The following GPHN variants were observed in gnomAD, a reference collection of about 807,000 sequenced individuals.
GPHN encodes gephyrin.
A neutral mutation model predicts 95.5 loss-of-function variants in GPHN; 17 were observed. That is an observed-to-expected ratio of 0.18 (90% CI 0.12 to 0.27). The LOEUF (loss-of-function observed/expected upper bound fraction) is 0.27. Among genes scored for constraint, GPHN ranks in the 10% least tolerant of loss-of-function variants. GPHN has a pLI of 1.00. For missense variants in GPHN, 660 were observed against 978.1 expected (o/e 0.67, Z 4.34); for synonymous variants, 320 against 322.5 (o/e 0.99, Z 0.08).
At chr14:67,340,531 AAAAAAT>A in the GPHN span, 3 of 1,605,622 alleles carry the variant, frequency 1.9e-6, no homozygotes, top group Non-Finnish European at 2.6e-6. Flanking sequence ...AGAATAAAAA[AAAAAAT>A]AATATGTGTG....
chr14:67,206,812 C>A, the GPHN span, among the ~76,000 whole-genome samples: 1 of 150,366 alleles, frequency 6.7e-6, no homozygotes, highest in African/African-American at 2.5e-5. Context: ...CTCACTGCAA[C>A]CTCCACCTCT....
At chr14:67,647,152 C>T in the GPHN span, 1 of 630,570 alleles carries the variant, frequency 1.6e-6, no homozygotes, top group South Asian at 2.3e-5. Flanking sequence ...TTAAATAGTT[C>T]AGAAAGGCAA....
At chr14:66,582,403 C>T (rs1566641737) in intron 1 of GPHN, among the ~76,000 whole-genome samples, 1 of 151,754 alleles carries the variant, frequency 6.6e-6, no homozygotes. Context: ...TTTTATTTTA[C>T]TTTAAGTTTT....
chr14:66,696,829 T>A (rs376428715), intron 2 of GPHN, among the ~76,000 whole-genome samples: 29 of 152,354 alleles, frequency 1.9e-4, no homozygotes, highest in African/African-American at 6.5e-4. Flanking sequence ...TTCCTAAAGA[T>A]GCTATGAATT....
In GPHN at chr14:66,686,162, G is replaced by C. The variant is rs528788172; in HGVS notation, c.143+4977G>C. On this transcript the variant is annotated intron_variant, in intron 2 of 22. Transcript: ENST00000478722. ...TTGGTTACTGTAGCCTTGTAGTATA[G>C]TTTGAAGTCAGGTAGCATGATGCCT... 2.7e-3 allele frequency among the ~76,000 whole-genome samples: 412 copies of C among 152,308 alleles called. 1 individual carries two copies. Among genetic ancestry groups the C allele is most frequent in the Middle Eastern group, 6.8e-3 (2 of 294 alleles).
Position 67,089,038 on chromosome 14 carries a change from C to G in GPHN, c.1200C>G (p.Pro400=). Residue 400 remains proline, a synonymous_variant, in exon 12 of 23, where the codon CCC becomes CCG. Coordinates refer to ENST00000478722, the MANE Select transcript of GPHN (RefSeq NM_020806.5). The part of the protein sequence containing the change: ...QDVYAKDNLP[P]FPASVKDGYA... ...TATATGCAAAAGACAATTTACCCCC[C>G]TTCCCAGCATCAGTAAAAGATGGCT... is the stretch of plus-strand genomic sequence containing the variant. The G allele has an allele frequency of 1.9e-6, 3 of 1,604,002 alleles. No homozygotes were observed. The highest frequency in any genetic ancestry group is 1.1e-5 in the South Asian group (1 of 90,918).
intron 3 of GPHN, among the ~76,000 whole-genome samples, chr14:66,783,877 TA>T (rs1489693666): frequency 2.6e-5 from 4 of 152,174 alleles, no homozygotes; most frequent in Non-Finnish European, 5.9e-5. Context: ...TACATGTCCA[TA>T]AGGCCCTTGT....
chr14:66,910,787 T>A (rs1256024228), intron 5 of GPHN, among the ~76,000 whole-genome samples: 2 of 151,998 alleles, frequency 1.3e-5, no homozygotes, highest in Admixed American at 6.6e-5. Flanking sequence ...TATTTTCTGT[T>A]CTGTTCTTTT....
chr14:67,544,373 G>A, the GPHN span, among the ~76,000 whole-genome samples: 670 of 152,240 alleles, frequency 4.4e-3, 17 homozygotes, highest in East Asian at 0.061. Context: ...GAGCCTGGTA[G>A]GGACAGAAAC....
chr14:67,548,679 A>C, the GPHN span, among the ~76,000 whole-genome samples: 1 of 152,236 alleles, frequency 6.6e-6, no homozygotes, highest in African/African-American at 2.4e-5. Context: ...CTCGGGCGAC[A>C]AGAGCAAAAC....
At chr14:66,990,262 T>G (rs2071321528) in intron 9 of GPHN, among the ~76,000 whole-genome samples, 1 of 152,104 alleles carries the variant, frequency 6.6e-6, no homozygotes, top group African/African-American at 2.4e-5. Flanking sequence ...GGTTCCTCCC[T>G]TGACATGTGG....
At chr14:66,996,173 C>T in intron 9 of GPHN, 1 of 1,532,764 alleles carries the variant, frequency 6.5e-7, no homozygotes, top group Non-Finnish European at 8.7e-7. Context: ...CACTGCAAAA[C>T]CAGGCTCGGC....
At chr14:67,213,098 T>TTG in the GPHN span, among the ~76,000 whole-genome samples, 1 of 149,970 alleles carries the variant, frequency 6.7e-6, no homozygotes, top group African/African-American at 2.4e-5. Flanking sequence ...CTGTGGTGTT[T>TTG]TTTTTTTTTT....
At chr14:67,383,721 T>C in the GPHN span, 1 of 373,590 alleles carries the variant, frequency 2.7e-6, no homozygotes, top group Non-Finnish European at 5.1e-6. Flanking sequence ...GTGATTTCCA[T>C]TTCTGATGTC....
At chr14:67,480,827 C>T in the GPHN span, among the ~76,000 whole-genome samples, 1 of 152,198 alleles carries the variant, frequency 6.6e-6, no homozygotes, top group African/African-American at 2.4e-5. Flanking sequence ...TCTGATCTCT[C>T]TGGGATGGCC....
At chr14:66,651,826 TCCCATCAC>T in intron 1 of GPHN, among the ~76,000 whole-genome samples, 1 of 150,370 alleles carries the variant, frequency 6.7e-6, no homozygotes, top group East Asian at 1.9e-4. Context: ...CGTCACTATC[TCCCATCAC>T]CCCGAGATGG....
chr14:67,462,338 G>GTTGCAACTAAC, the GPHN span, among the ~76,000 whole-genome samples: 1 of 152,148 alleles, frequency 6.6e-6, no homozygotes, highest in East Asian at 1.9e-4. Flanking sequence ...ACTAACTGAA[G>GTTGCAACTAAC]TAATTTTCTT....
the GPHN span, among the ~76,000 whole-genome samples, chr14:67,326,119 C>CT: frequency 6.6e-6 from 1 of 150,650 alleles, no homozygotes; most frequent in Non-Finnish European, 1.5e-5. Flanking sequence ...GCCACCGTGC[C>CT]CGGCCAGCAT....
chr14:66,614,457 T>C (rs896608937), intron 1 of GPHN, among the ~76,000 whole-genome samples: 2 of 152,188 alleles, frequency 1.3e-5, no homozygotes, highest in Non-Finnish European at 1.5e-5. Flanking sequence ...GTAAATGATA[T>C]TGAATTAATT....
Sources: gnomAD v4.1 joint callset for allele counts (sites outside exome capture counted in the v4.1 genomes callset) on GRCh38, gnomAD v4.1.1 for gene constraint, MANE v1.5 for transcripts, NCBI Gene and HGNC (gene_info 2026-07-23, HGNC 2026-07-21) for gene names.